Variants in VAV1 observed in about 807,000 individuals in gnomAD.
VAV1 encodes the protein vav guanine nucleotide exchange factor 1.
In VAV1, 33 loss-of-function variants were observed where a neutral mutation model predicts 128.1. The observed-to-expected ratio is 0.26, with a 90% CI of 0.20 to 0.34. The LOEUF is 0.34. VAV1 is among the 10% of genes least tolerant of loss of function. VAV1 has a pLI of 1.00. For missense variants in VAV1, 715 were observed against 1,093.7 expected (o/e 0.65, Z 4.88); for synonymous variants, 394 against 409.8 (o/e 0.96, Z 0.47).
intron 1 of VAV1, chr19:6,816,316 G>GTGA (rs1971648611): frequency 6.6e-6 from 1 of 151,972 alleles, no homozygotes; most frequent in Non-Finnish European, 1.5e-5. Flanking sequence ...CACCATGCCC[G>GTGA]GCTACAAAAA....
rs113523933 is a variant in VAV1 at position 6,827,933 on chromosome 19, T to C, written c.928-143T>C. On this transcript the variant is annotated intron_variant, in intron 9 of 26. Transcript: ENST00000602142. ...TTTCCTGTTTCCTTGGGGGCAGATA[T>C]GATGCTTTGGCCTCTAGAAAAATTC... The C allele has an allele frequency of 1.4e-4, 90 of 657,994 alleles. 2 individuals are homozygous for C. In the African/African-American group the frequency reaches 1.4e-3, roughly 10 times the overall value. 40.8% of individuals were successfully genotyped at this position (657,994 alleles called of 1,614,324 possible). A position where few individuals can be genotyped will look rare whatever the true frequency, so the allele number is the denominator to read the frequency against.
At chr19:6,823,557 T>G (rs60436652) in intron 6 of VAV1, among the ~76,000 whole-genome samples, 2,366 of 152,106 alleles carry the variant, frequency 0.016, 81 homozygotes, top group African/African-American at 0.055. Context: ...GGTCTTAAAC[T>G]CCTGGGCTCA....
At position 6,772,969 on chromosome 19, in the gene VAV1, C is replaced by T. The variant is rs1970535621; in HGVS notation, c.162C>T (p.Ala54=). Residue 54 remains alanine, a synonymous_variant, in exon 1 of 27, where the codon GCC becomes GCT. Transcript: ENST00000602142. This position sits in a 1 kb window ranked among gnomAD's most constrained non-coding sequence, Gnocchi z 4.8. ...CQLLNNLLPH[A]INLREVNLRP... ...TGCTTAACAACCTGCTACCCCATGC[C>T]ATCAACCTGCGTGAGGTCAACCTGC... The T allele has an allele frequency of 6.2e-7, 1 of 1,614,116 alleles. No homozygotes were observed. Among genetic ancestry groups the T allele is most frequent in the Non-Finnish European group, 8.5e-7 (1 of 1,180,000 alleles).
chr19:6,783,174 G>A (rs1049464111), intron 1 of VAV1, among the ~76,000 whole-genome samples: 7 of 145,596 alleles, frequency 4.8e-5, no homozygotes, highest in East Asian at 4.0e-4. Flanking sequence ...GCGAGACTCC[G>A]TCTCAAAAAA....
At chr19:6,773,939 G>A (rs1599607932) in intron 1 of VAV1, among the ~76,000 whole-genome samples, 1 of 152,138 alleles carries the variant, frequency 6.6e-6, no homozygotes, top group Middle Eastern at 3.4e-3. Flanking sequence ...TGGGGCCTGG[G>A]GGACACAGTC....
intron 1 of VAV1, among the ~76,000 whole-genome samples, chr19:6,793,702 G>T (rs1479689631): frequency 6.6e-6 from 1 of 152,152 alleles, no homozygotes; most frequent in Non-Finnish European, 1.5e-5. Context: ...AGCAAATAAT[G>T]TAGAACTCAG....
chr19:6,801,861 TGGGA>T (rs1387322510), intron 1 of VAV1, among the ~76,000 whole-genome samples: 2 of 152,076 alleles, frequency 1.3e-5, no homozygotes, highest in Non-Finnish European at 2.9e-5. Flanking sequence ...GTTTTGTTGA[TGGGA>T]GGCTGGCTGG....
At chr19:6,794,838 G>C (rs1340792678) in intron 1 of VAV1, among the ~76,000 whole-genome samples, 4 of 152,192 alleles carry the variant, frequency 2.6e-5, no homozygotes, top group African/African-American at 9.6e-5. Flanking sequence ...ACAGGGCATA[G>C]TGATGATGGT....
chr19:6,779,547 G>A (rs188419915), intron 1 of VAV1, among the ~76,000 whole-genome samples: 1 of 150,694 alleles, frequency 6.6e-6, no homozygotes, highest in East Asian at 1.9e-4. Flanking sequence ...CTCGCCCTGT[G>A]CTAGACATTA....
intron 1 of VAV1, among the ~76,000 whole-genome samples, chr19:6,800,111 G>A (rs552705172): frequency 4.6e-5 from 7 of 151,814 alleles, no homozygotes; most frequent in African/African-American, 7.3e-5. Context: ...CAACCTGACC[G>A]ACATAGTGAG....
Position 6,826,548 on chromosome 19 carries a change from C to A in VAV1, c.828-64C>A. ...CGGGGAAGAGCAAGGCCAGGGCTGA[C>A]GCCAGCCTCTGCCCGACCTTGATGC... On this transcript the variant is annotated intron_variant, in intron 8 of 26. Transcript: ENST00000602142. The surrounding 1 kb of genome is among the most constrained non-coding windows in gnomAD (Gnocchi z 4.1). The A allele has an allele frequency of 7.7e-7, 1 of 1,300,586 alleles. No individual in the cohort carries two copies. The highest frequency in any genetic ancestry group is 1.1e-6 in the Non-Finnish European group (1 of 922,990). The allele number at this position is 1,300,586 out of a possible 1,614,324, so 80.6% of individuals were successfully genotyped here.
intron 1 of VAV1, among the ~76,000 whole-genome samples, chr19:6,774,895 C>T (rs1673772042): frequency 6.6e-6 from 1 of 151,120 alleles, no homozygotes; most frequent in South Asian, 2.1e-4. Flanking sequence ...GCTGCGACTA[C>T]AGGCACACAT....
At position 6,836,417 on chromosome 19, in the gene VAV1, T is replaced by A; in HGVS notation, c.1778-15T>A. 6.2e-7 allele frequency: 1 copy of A among 1,613,750 alleles called. No individual in the cohort carries two copies. The highest frequency in any genetic ancestry group is 1.3e-5 in the African/African-American group (1 of 75,034). On this transcript the variant is annotated splice_polypyrimidine_tract_variant and intron_variant, in intron 19 of 26. Coordinates refer to ENST00000602142, the MANE Select transcript of VAV1 (RefSeq NM_005428.4). Reference sequence around the variant, plus strand: ...GACTGCCAACCACCCTGTACTCCTGTACCCTGTCCTCCAGGTCTGCCCAAG... The same window carrying A: ...GACTGCCAACCACCCTGTACTCCTGAACCCTGTCCTCCAGGTCTGCCCAAG...
rs185405527 is a variant in VAV1 at position 6,786,478 on chromosome 19, A to T, written c.204+13467A>T. Among the ~76,000 whole-genome samples the T allele has an allele frequency of 2.5e-3, 386 of 152,256 alleles. 3 individuals carry two copies. The highest frequency in any genetic ancestry group is 7.9e-3 in the African/African-American group (327 of 41,556). ...CCGTCCCTGTAAAATAAATTAATTT[A>T]AAAAATTAAAAATGAAAATTATGGC... On this transcript the variant is annotated intron_variant, in intron 1 of 26. Transcript: ENST00000602142.
intron 1 of VAV1, among the ~76,000 whole-genome samples, chr19:6,801,991 G>T (rs1022969523): frequency 6.6e-6 from 1 of 151,292 alleles, no homozygotes; most frequent in African/African-American, 2.4e-5. Flanking sequence ...AGGAAGAGGG[G>T]CACTGAGGGG....
intron 1 of VAV1, among the ~76,000 whole-genome samples, chr19:6,817,224 T>G (rs1051944385): frequency 7.9e-5 from 12 of 151,566 alleles, no homozygotes; most frequent in African/African-American, 2.9e-4. Context: ...ATTTTTTTTG[T>G]TTGTTTTTTT....
intron 1 of VAV1, among the ~76,000 whole-genome samples, chr19:6,816,186 A>AT (rs1444368714): frequency 6.6e-6 from 1 of 151,792 alleles, no homozygotes; most frequent in Non-Finnish European, 1.5e-5. Context: ...CGCCCAGCTA[A>AT]TTTTTTTGTG....
intron 24 of VAV1, 51 bp downstream of exon 24, chr19:6,850,808 C>A: frequency 6.3e-7 from 1 of 1,580,542 alleles, no homozygotes; most frequent in African/African-American, 1.3e-5. Context: ...TAGGAGGACC[C>A]TCCCTGCACC....
rs34155628 is a variant in VAV1 at position 6,780,573 on chromosome 19, CTTT to C, written c.204+7576_204+7578del. On this transcript the variant is annotated intron_variant, in intron 1 of 26. Transcript: ENST00000602142. ...TGCCTTCTCCTTTTCTTTCTTTTTT[CTTT>C]TTTTTTTTTTTTTGGGACGGAGTCT... Among the ~76,000 whole-genome samples, 418 of 128,904 alleles carry C rather than the reference CTTT, an allele frequency of 3.2e-3. 3 individuals carry two copies. Among genetic ancestry groups the C allele is most frequent in the African/African-American group, 0.011 (385 of 35,266 alleles). The allele number at this position is 128,904 out of a possible 152,430, so 84.6% of individuals were successfully genotyped here.
Sources: gnomAD v4.1 joint callset for allele counts (sites outside exome capture counted in the v4.1 genomes callset) on GRCh38, gnomAD v4.1.1 for gene constraint, Gnocchi (gnomAD v3.1) non-coding constraint, MANE v1.5 for transcripts, NCBI Gene and HGNC (gene_info 2026-07-23, HGNC 2026-07-21) for gene names.